Variants in ROBO2 observed in about 807,000 individuals in gnomAD.
ROBO2 encodes roundabout guidance receptor 2.
Under a neutral mutation model 160.8 loss-of-function variants are expected in ROBO2, and 53 were observed. The ratio of observed to expected loss-of-function variants is 0.33; its 90% CI spans 0.26 to 0.41. The LOEUF (loss-of-function observed/expected upper bound fraction) is 0.41. Among genes scored for constraint, ROBO2 ranks in the 10% least tolerant of loss-of-function variants. The probability of loss-of-function intolerance (pLI) is 1.00; values close to 1 mark genes in which losing one functional copy is unlikely to be tolerated. For synonymous variants in ROBO2, 664 were observed against 611.7 expected, an observed-to-expected ratio of 1.09 and a Z score of -1.26; for missense variants, 1,577 against 1,722.4, an observed-to-expected ratio of 0.92 and a Z score of 1.49.
At chr3:77,347,174 G>A (rs1165702272) in intron 2 of ROBO2, among the ~76,000 whole-genome samples, 1 of 152,054 alleles carries the variant, frequency 6.6e-6, no homozygotes, top group Admixed American at 6.6e-5. Flanking sequence ...AAGGAATCAT[G>A]GAAAGATCTG....
intron 2 of ROBO2, among the ~76,000 whole-genome samples, chr3:77,458,510 A>T (rs543095617): frequency 2.6e-5 from 4 of 152,126 alleles, no homozygotes; most frequent in African/African-American, 9.7e-5. Context: ...AAAAGGTGCC[A>T]TAGTTGGTTA....
intron 6 of ROBO2, among the ~76,000 whole-genome samples, chr3:77,535,471 A>G (rs2153638086): frequency 6.6e-6 from 1 of 152,158 alleles, no homozygotes; most frequent in South Asian, 2.1e-4. Flanking sequence ...CCAATTTAGG[A>G]ATTTAGGATC....
intron 2 of ROBO2, among the ~76,000 whole-genome samples, chr3:76,551,270 G>T (rs959567598): frequency 6.6e-6 from 1 of 152,094 alleles, no homozygotes; most frequent in Non-Finnish European, 1.5e-5. Context: ...CGACCTGCCT[G>T]ATGGAACAGA....
chr3:76,009,011 T>C (rs899154744), intron 2 of ROBO2, among the ~76,000 whole-genome samples: 1 of 152,134 alleles, frequency 6.6e-6, no homozygotes, highest in Non-Finnish European at 1.5e-5. Flanking sequence ...TTTGTTCATA[T>C]TACTTTCTGC....
chr3:77,565,768 A>G (rs540028940), intron 12 of ROBO2, among the ~76,000 whole-genome samples: 1 of 152,228 alleles, frequency 6.6e-6, no homozygotes, highest in Admixed American at 6.6e-5. Context: ...TTCTTTCTAA[A>G]GAACTCAATT....
chr3:76,645,786 A>G (rs903465907), intron 2 of ROBO2, among the ~76,000 whole-genome samples: 17 of 152,210 alleles, frequency 1.1e-4, no homozygotes, highest in Non-Finnish European at 1.9e-4. Flanking sequence ...TTCAGGAGAG[A>G]AAAGAACTTA....
intron 2 of ROBO2, among the ~76,000 whole-genome samples, chr3:76,690,992 G>A (rs570633334): frequency 4.6e-5 from 7 of 152,150 alleles, no homozygotes; most frequent in African/African-American, 1.7e-4. Flanking sequence ...GGCTAAGTTG[G>A]GAGGATCACT....
chr3:77,215,647 G>A (rs566448025), intron 2 of ROBO2, among the ~76,000 whole-genome samples: 1 of 152,318 alleles, frequency 6.6e-6, no homozygotes, highest in East Asian at 1.9e-4. Flanking sequence ...TGGAGGAGGA[G>A]AGGTGCTCTG....
At chr3:75,915,187 G>GCA (rs1946760341) in intron 1 of ROBO2, among the ~76,000 whole-genome samples, 1 of 152,126 alleles carries the variant, frequency 6.6e-6, no homozygotes. Context: ...GTGAATGTTT[G>GCA]CTTATGGAAC....
chr3:76,852,833 G>GTT (rs145065135), intron 2 of ROBO2, among the ~76,000 whole-genome samples: 5,734 of 152,094 alleles, frequency 0.038, 344 homozygotes, highest in African/African-American at 0.13. Flanking sequence ...TACATTCACT[G>GTT]TTATATATAT....
At chr3:75,907,115 C>T (rs1268568030) in intron 1 of ROBO2, among the ~76,000 whole-genome samples, 1 of 151,890 alleles carries the variant, frequency 6.6e-6, no homozygotes, top group African/African-American at 2.4e-5. Context: ...GGCGGAGGGT[C>T]GGTGGGTGGT....
intron 2 of ROBO2, among the ~76,000 whole-genome samples, chr3:77,176,809 C>T (rs1461854499): frequency 6.6e-6 from 1 of 152,000 alleles, no homozygotes; most frequent in African/African-American, 2.4e-5. Context: ...AAGTCTGTGA[C>T]CTCTTGTTTG....
At chr3:76,260,865 T>C (rs1399543273) in intron 2 of ROBO2, among the ~76,000 whole-genome samples, 2 of 152,058 alleles carry the variant, frequency 1.3e-5, no homozygotes, top group Non-Finnish European at 2.9e-5. Flanking sequence ...GCAATAAACC[T>C]GAATGGTCCA....
chr3:76,201,802 T>C (rs1400706067), intron 2 of ROBO2, among the ~76,000 whole-genome samples: 2 of 150,424 alleles, frequency 1.3e-5, no homozygotes, highest in Non-Finnish European at 2.9e-5. Flanking sequence ...AGAGAATTAA[T>C]TTGTTTTGAA....
intron 2 of ROBO2, among the ~76,000 whole-genome samples, chr3:77,399,657 T>C (rs1360943161): frequency 6.6e-6 from 1 of 152,170 alleles, no homozygotes; most frequent in Non-Finnish European, 1.5e-5. Flanking sequence ...TAAGGACTTA[T>C]ATAGTACTTA....
intron 2 of ROBO2, among the ~76,000 whole-genome samples, chr3:76,140,746 T>A (rs2106752353): frequency 6.6e-6 from 1 of 151,830 alleles, no homozygotes; most frequent in Non-Finnish European, 1.5e-5. Context: ...GAATTCCCAA[T>A]TTTATTGTTC....
chr3:76,536,765 C>A (rs1237297170), intron 2 of ROBO2, among the ~76,000 whole-genome samples: 1 of 152,038 alleles, frequency 6.6e-6, no homozygotes, highest in Non-Finnish European at 1.5e-5. Flanking sequence ...GACATTAAGT[C>A]ACTCCAGGTT....
intron 2 of ROBO2, among the ~76,000 whole-genome samples, chr3:76,233,405 A>G (rs577008232): frequency 6.6e-6 from 1 of 152,220 alleles, no homozygotes; most frequent in Non-Finnish European, 1.5e-5. Flanking sequence ...CGGCCTCCCA[A>G]GCTGCTGGGA....
At chr3:75,986,003 C>A (rs927640703) in intron 2 of ROBO2, among the ~76,000 whole-genome samples, 1 of 151,548 alleles carries the variant, frequency 6.6e-6, no homozygotes, top group South Asian at 2.1e-4. Flanking sequence ...TTGCTGTGAA[C>A]GTGTGTACAA....
Sources: gnomAD v4.1 joint callset for allele counts (sites outside exome capture counted in the v4.1 genomes callset) on GRCh38, gnomAD v4.1.1 for gene constraint, MANE v1.5 for transcripts, NCBI Gene and HGNC (gene_info 2026-07-23, HGNC 2026-07-21) for gene names.